The following FANCA variants were observed in gnomAD, a reference collection of about 807,000 sequenced individuals.
FANCA encodes Fanconi anemia group A protein.
Under a neutral mutation model 194.3 loss-of-function variants are expected in FANCA, and 236 were observed. The observed-to-expected ratio is 1.21, with a 90% CI of 1.09 to 1.35. FANCA has a LOEUF of 1.35. Ranked by LOEUF, FANCA falls within the 40% of genes most tolerant of loss-of-function variation. FANCA has a pLI of 0.00. For missense variants in FANCA, 2,628 were observed against 1,813.9 expected (o/e 1.45, Z -8.15); for synonymous variants, 1,014 against 715.8 (o/e 1.42, Z -6.65).
intron 39 of FANCA, 31 bp from the exon 40 acceptor site, chr16:89,739,584 C>A: frequency 1.9e-6 from 3 of 1,547,750 alleles, no homozygotes; most frequent in Non-Finnish European, 2.6e-6. Flanking sequence ...TCAGGCAACT[C>A]TGGACATCTC....
intron 11 of FANCA, among the ~76,000 whole-genome samples, chr16:89,793,971 C>G (rs573838391): frequency 6.6e-6 from 1 of 151,990 alleles, no homozygotes; most frequent in Non-Finnish European, 1.5e-5. Context: ...AGGCTGGTCT[C>G]GAACTTCTGA....
At chr16:89,770,767 G>C in intron 23 of FANCA, 133 bp from the exon 24 acceptor site, 3 of 794,610 alleles carry the variant, frequency 3.8e-6, no homozygotes, top group South Asian at 3.0e-5. Context: ...CTTGTTTGGA[G>C]GGCATGTTAC....
chr16:89,791,254 C>T, intron 14 of FANCA, 149 bp downstream of exon 14: 1 of 1,045,028 alleles, frequency 9.6e-7, no homozygotes, highest in Non-Finnish European at 1.4e-6. Flanking sequence ...TCGGCACACG[C>T]AGAGGAAGAT....
In FANCA at chr16:89,785,860, T is replaced by TTTTTG. The variant is rs1555557093; in HGVS notation, c.1360-897_1360-896insCAAAA. Among the ~76,000 whole-genome samples, 10 of 144,608 alleles carry TTTTTG rather than the reference T, an allele frequency of 6.9e-5. 1 individual carries two copies. The highest frequency in any genetic ancestry group is 2.4e-4 in the African/African-American group (9 of 37,892). The allele number at this position is 144,608 out of a possible 152,430, so 94.9% of individuals were successfully genotyped here. A position where few individuals can be genotyped will look rare whatever the true frequency, so the allele number is the denominator to read the frequency against. On this transcript the variant is annotated intron_variant, in intron 14 of 42. Coordinates refer to ENST00000389301, the MANE Select transcript of FANCA (RefSeq NM_000135.4). ...GAAAGCGTGCAAAATTGTGTTTTGT[T>TTTTTG]TTTTTTTTTTTGGAGACAGAGTCTT...
intron 36 of FANCA, among the ~76,000 whole-genome samples, chr16:89,744,070 G>A (rs2062192037): frequency 1.3e-5 from 2 of 152,066 alleles, no homozygotes; most frequent in South Asian, 4.1e-4. Flanking sequence ...GCTCATTTCT[G>A]TATTTTCAGT....
At position 89,739,512 on chromosome 16, in the gene FANCA, G is replaced by C. The variant is rs764620351; in HGVS notation, c.3976C>G (p.Gln1326Glu). The C allele has an allele frequency of 3.2e-6, 5 of 1,551,292 alleles. No individual in the cohort carries two copies. In the African/African-American group the frequency reaches 5.5e-5, roughly 17 times the overall value. ...GRLLLRVAPD[Q>E]HTRLLPFAFY... ...GCGAAAGGCAGCAGCCTGGTGTGCTGATCCGGGGCCACACGGAGGAGGAGC... is the reference window on the plus strand; with the variant it reads ...GCGAAAGGCAGCAGCCTGGTGTGCTCATCCGGGGCCACACGGAGGAGGAGC... Residue 1326 changes from glutamine (Q) to glutamate (E), a missense_variant, in exon 40 of 43, where the codon CAG (glutamine) becomes GAG (glutamate). Transcript: ENST00000389301.
rs1035276734 is a variant in FANCA, at chr16:89,784,944, T to C, written c.1380A>G (p.Arg460=). 2 of 1,613,848 alleles carry C rather than the reference T, an allele frequency of 1.2e-6. No homozygotes were observed. The highest frequency in any genetic ancestry group is 2.7e-5 in the African/African-American group (2 of 74,916). Residue 460 remains arginine, a synonymous_variant, in exon 15 of 43, where the codon CGA becomes CGG. Transcript: ENST00000389301. ...CCTTCTTGCTGCAGCCATGGTAGCC[T>C]CGTGTGCTCCCAAAGGAGGCCTGTG... The part of the protein sequence containing the change: ...DWFKASFGST[R]GYHGCSKKAL...
chr16:89,742,707 G>T, intron 37 of FANCA, 93 bp downstream of exon 37: 59 of 952,392 alleles, frequency 6.2e-5, no homozygotes, highest in Middle Eastern at 5.9e-4. Context: ...TTTGTCTTTA[G>T]AAAAACAGTT....
chr16:89,740,464 G>A (rs1026713105), intron 38 of FANCA: 17 of 456,912 alleles, frequency 3.7e-5, no homozygotes, highest in Non-Finnish European at 5.2e-5. Flanking sequence ...GTGAAACCCC[G>A]TCTCTACTAA....
chr16:89,773,697 C>G (rs887800123), intron 21 of FANCA, among the ~76,000 whole-genome samples: 2 of 151,852 alleles, frequency 1.3e-5, no homozygotes, highest in African/African-American at 4.8e-5. Context: ...CGGAAGAAAA[C>G]AAGGAGGATC....
At chr16:89,804,806 G>T (rs1013883448) in intron 7 of FANCA, among the ~76,000 whole-genome samples, 1 of 152,072 alleles carries the variant, frequency 6.6e-6, no homozygotes, top group African/African-American at 2.4e-5. Flanking sequence ...GGCCGAGGGG[G>T]GTGCATCACG....
chr16:89,764,278 A>C (rs1382907676), intron 28 of FANCA, among the ~76,000 whole-genome samples: 1 of 152,136 alleles, frequency 6.6e-6, no homozygotes, highest in Non-Finnish European at 1.5e-5. Flanking sequence ...GGAGAAACTG[A>C]GAAAGTATAG....
intron 33 of FANCA, 130 bp from the exon 34 acceptor site, chr16:89,747,020 G>A: frequency 2.3e-6 from 2 of 886,784 alleles, no homozygotes; most frequent in Non-Finnish European, 3.6e-6. Context: ...ACCATGGATG[G>A]TGCTCCTGGG....
Position 89,778,981 on chromosome 16 carries a change from C to G in FANCA, c.1738G>C (p.Val580Leu). 6 of 1,613,832 alleles carry G rather than the reference C, an allele frequency of 3.7e-6. No individual in the cohort carries two copies. Among genetic ancestry groups the G allele is most frequent in the Non-Finnish European group, 5.1e-6 (6 of 1,180,018 alleles). The part of the protein sequence containing the change: ...EASIFRRPYY[V>L]SHFLPALLTP... ...AGCAGGGCGGGGAGGAAGTGGGACA[C>G]GTAGTAAGGCCTCCTGAATATGCTG... Residue 580 changes from valine (V) to leucine (L), a missense_variant, in exon 19 of 43, where the codon GTG (valine) becomes CTG (leucine). Physicochemically the swap from Val to Leu is conservative, Grantham distance 32. Transcript: ENST00000389301.
In FANCA at chr16:89,764,890, G is replaced by A. The variant is rs765025976; in HGVS notation, c.2778C>T (p.His926=). 9.3e-6 allele frequency: 15 copies of A among 1,613,928 alleles called. No homozygotes were observed. The highest frequency in any genetic ancestry group is 2.2e-5 in the South Asian group (2 of 91,040). Residue 926 remains histidine (H), a splice_region_variant and synonymous_variant, in exon 28 of 43, where the codon CAC becomes CAT. Coordinates refer to ENST00000389301, the MANE Select transcript of FANCA (RefSeq NM_000135.4). ...FREVLKEEDV[H]LTYQDWLHLE... ...TGCAGGAGAAGGAACGGTCACCTAC[G>A]TGAACATCTTCCTCTTTCAACACCT...
chr16:89,774,137 G>T (rs1335075779), intron 21 of FANCA, among the ~76,000 whole-genome samples: 2 of 152,082 alleles, frequency 1.3e-5, no homozygotes, highest in African/African-American at 4.8e-5. Flanking sequence ...CAAGTTCTGG[G>T]GTTGCTGGAG....
chr16:89,760,785 C>T (rs2038925538), intron 29 of FANCA, among the ~76,000 whole-genome samples: 1 of 152,192 alleles, frequency 6.6e-6, no homozygotes, highest in Non-Finnish European at 1.5e-5. Context: ...CTGCTCCACA[C>T]CAGCCTCTGC....
chr16:89,795,673 G>C (rs2040220707), intron 11 of FANCA, among the ~76,000 whole-genome samples: 1 of 152,292 alleles, frequency 6.6e-6, no homozygotes, highest in East Asian at 1.9e-4. Context: ...CTATTTTAAT[G>C]ACAATTATTT....
intron 26 of FANCA, 196 bp downstream of exon 26, chr16:89,769,641 T>A: frequency 1.5e-6 from 1 of 654,664 alleles, no homozygotes; most frequent in South Asian, 1.8e-5. Context: ...CTCATTTTTA[T>A]GAACAAAGAA....
Sources: allele counts gnomAD v4.1 joint callset (sites outside exome capture counted in the v4.1 genomes callset), GRCh38; gene constraint gnomAD v4.1.1; transcripts MANE v1.5; gene names NCBI Gene and HGNC (gene_info 2026-07-23, HGNC 2026-07-21).